The following PCBP3 variants were observed in gnomAD, a reference collection of about 807,000 sequenced individuals.
PCBP3 encodes poly(rC) binding protein 3, also known as poly(rC)-binding protein 3.
In PCBP3, 25 loss-of-function variants were observed where a neutral mutation model predicts 52.7. The observed-to-expected ratio is 0.47, with a 90% CI of 0.35 to 0.66. The LOEUF is 0.66. PCBP3 is among the 30% of genes least tolerant of loss of function. The pLI is 0.01. For synonymous variants in PCBP3, 162 were observed against 183.0 expected, an observed-to-expected ratio of 0.89 and a Z score of 0.93; for missense variants, 391 against 490.3, an observed-to-expected ratio of 0.80 and a Z score of 1.91.
At chr21:45,938,117 G>T (rs1486135897) in intron 16 of PCBP3, among the ~76,000 whole-genome samples, 1 of 152,216 alleles carries the variant, frequency 6.6e-6, no homozygotes, top group South Asian at 2.1e-4. Flanking sequence ...AGAAGACAGG[G>T]GCAGATGGTT....
At chr21:45,925,937 C>G (rs1885611625) in intron 13 of PCBP3, among the ~76,000 whole-genome samples, 1 of 152,174 alleles carries the variant, frequency 6.6e-6, no homozygotes, top group African/African-American at 2.4e-5. Context: ...ACAGAACCAC[C>G]CGTGATCCTG....
At position 45,784,415 on chromosome 21, in the gene PCBP3, G is replaced by C. The variant is rs992724165; in HGVS notation, c.-126+28963G>C. ...CTCTACCGCTACCTCTACCGCTACC[G>C]CTACCCCTACCTCCTACCTCCTACC... On this transcript the variant is annotated intron_variant, in intron 4 of 17. Transcript: ENST00000681687. Among the ~76,000 whole-genome samples, 585 of 108,680 alleles carry C rather than the reference G, an allele frequency of 5.4e-3. 4 individuals are homozygous for C. Among genetic ancestry groups the C allele is most frequent in the African/African-American group, 0.011 (284 of 25,372 alleles). The allele number at this position is 108,680 out of a possible 152,430, so 71.3% of individuals were successfully genotyped here.
chr21:45,900,118 C>T (rs2095988769), intron 7 of PCBP3, among the ~76,000 whole-genome samples: 1 of 152,234 alleles, frequency 6.6e-6, no homozygotes, highest in Non-Finnish European at 1.5e-5. Context: ...ATTTTCACCG[C>T]TTCCGGGGGT....
intron 4 of PCBP3, chr21:45,828,697 C>T (rs1286361861): frequency 5.2e-5 from 8 of 152,816 alleles, no homozygotes; most frequent in Middle Eastern, 3.0e-3. Flanking sequence ...GCTGTGTGTC[C>T]GTTGTGTGCA....
rs768457683 is a variant in PCBP3 at position 45,724,992 on chromosome 21, T to G, written c.-199-10400T>G. Among the ~76,000 whole-genome samples the G allele has an allele frequency of 4.6e-5, 7 of 152,232 alleles. No individual in the cohort carries two copies. The highest frequency in any genetic ancestry group is 7.3e-5 in the Non-Finnish European group (5 of 68,046). ...TTGTGAGCCGTTAAGTATGGCAGTT[T>G]GTATCATGGTTAAATCTGCAGAAGG... On this transcript the variant is annotated intron_variant, in intron 2 of 17. Transcript: ENST00000681687. This position sits in a 1 kb window ranked among gnomAD's most constrained non-coding sequence, Gnocchi z 5.3.
chr21:45,894,630 C>T (rs2095776273), intron 5 of PCBP3, among the ~76,000 whole-genome samples: 1 of 152,236 alleles, frequency 6.6e-6, no homozygotes. Flanking sequence ...TCCAGCAGAG[C>T]TGTCCGCGCT....
chr21:45,644,955 C>T (rs1034035722), intron 1 of PCBP3, among the ~76,000 whole-genome samples: 1 of 152,202 alleles, frequency 6.6e-6, no homozygotes, highest in South Asian at 2.1e-4. Flanking sequence ...AAGGGTGCTT[C>T]CCTATTTAAG....
intron 5 of PCBP3, among the ~76,000 whole-genome samples, chr21:45,891,152 G>A (rs1267357108): frequency 6.6e-6 from 1 of 152,392 alleles, no homozygotes; most frequent in Non-Finnish European, 1.5e-5. Context: ...GCACTGCTGA[G>A]GGGAATGTAG....
intron 5 of PCBP3, among the ~76,000 whole-genome samples, chr21:45,855,933 C>T (rs2148333627): frequency 6.6e-6 from 1 of 152,384 alleles, no homozygotes; most frequent in South Asian, 2.1e-4. Context: ...ACCGTAACAT[C>T]TCATGAGACA....
At position 45,643,775 on chromosome 21, in the gene PCBP3, C is replaced by T. The variant is rs1445877483; in HGVS notation, c.-372C>T. 4 of 148,486 alleles carry T rather than the reference C, an allele frequency of 2.7e-5. No homozygotes were observed. The highest frequency in any genetic ancestry group is 6.7e-5 in the Admixed American group (1 of 14,944). 9.2% of individuals were successfully genotyped at this position (148,486 alleles called of 1,614,324 possible). Reference sequence around the variant, plus strand: ...CCGCCGCTTCGGCTGACTTAGGCTCCGCCGCCGCCTCCTCACCCGCCTCGC... The same window carrying T: ...CCGCCGCTTCGGCTGACTTAGGCTCTGCCGCCGCCTCCTCACCCGCCTCGC... On this transcript the variant is annotated 5_prime_UTR_variant, in exon 1 of 18. Transcript: ENST00000681687.
At position 45,837,824 on chromosome 21, in the gene PCBP3, C is replaced by T. The variant is rs1420081674; in HGVS notation, c.-125-12137C>T. On this transcript the variant is annotated intron_variant, in intron 4 of 17. Coordinates refer to ENST00000681687, the MANE Select transcript of PCBP3 (RefSeq NM_001384156.1). This position sits in a 1 kb window ranked among gnomAD's most constrained non-coding sequence, Gnocchi z 4.1. ...CTGAGGATTGAGCTTAGGGGGTCAGCCTGATCCGCCACTGCTGGGTTCCCC... is the reference window on the plus strand; with the variant it reads ...CTGAGGATTGAGCTTAGGGGGTCAGTCTGATCCGCCACTGCTGGGTTCCCC... Among the ~76,000 whole-genome samples, 2 of 152,252 alleles carry T rather than the reference C, an allele frequency of 1.3e-5. No individual in the cohort carries two copies. Among genetic ancestry groups the T allele is most frequent in the Non-Finnish European group, 2.9e-5 (2 of 68,042 alleles).
intron 4 of PCBP3, among the ~76,000 whole-genome samples, chr21:45,764,505 G>T (rs1483796924): frequency 6.6e-6 from 1 of 152,218 alleles, no homozygotes; most frequent in African/African-American, 2.4e-5. Flanking sequence ...CAAGTGAGGG[G>T]TGCTGCATGT....
In PCBP3 at chr21:45,928,357, A is replaced by G. The variant is rs1469421876; in HGVS notation, c.718-1560A>G. ...TGCCCCCCAGCCCAGACCTGGCTGC[A>G]AGGCCAGGGGTTGGGGAGGGGCAGG... On this transcript the variant is annotated intron_variant, in intron 13 of 17. Coordinates refer to ENST00000681687, the MANE Select transcript of PCBP3 (RefSeq NM_001384156.1). The surrounding 1 kb of genome is among the most constrained non-coding windows in gnomAD (Gnocchi z 4.1). 3.9e-5 allele frequency among the ~76,000 whole-genome samples: 6 copies of G among 151,948 alleles called. No individual in the cohort carries two copies. The highest frequency in any genetic ancestry group is 8.8e-5 in the Non-Finnish European group (6 of 67,954).
chr21:45,895,519 A>G (rs1445553738), intron 5 of PCBP3, among the ~76,000 whole-genome samples: 1 of 152,184 alleles, frequency 6.6e-6, no homozygotes, highest in East Asian at 1.9e-4. Flanking sequence ...CACTTCCACT[A>G]CCATCATTCT....
At chr21:45,669,813 A>ATG (rs2081054672) in intron 2 of PCBP3, among the ~76,000 whole-genome samples, 1 of 87,416 alleles carries the variant, frequency 1.1e-5, no homozygotes, top group Admixed American at 1.1e-4. Flanking sequence ...GTGTATATAT[A>ATG]TATATATATA....
At position 45,881,929 on chromosome 21, in the gene PCBP3, C is replaced by T. The variant is rs1357885992; in HGVS notation, c.11-14279C>T. Among the ~76,000 whole-genome samples the T allele has an allele frequency of 2.6e-5, 4 of 152,286 alleles. No homozygotes were observed. In the South Asian group the frequency reaches 6.2e-4, roughly 24 times the overall value. On this transcript the variant is annotated intron_variant, in intron 5 of 17. Transcript: ENST00000681687. ...GTCTGTGTGTGACATTTTCTTTATC[C>T]GTTCGTCTCTCTATGAACACTTAGG...
At chr21:45,911,364 T>G in intron 11 of PCBP3, 4 of 263,144 alleles carry the variant, frequency 1.5e-5, no homozygotes, top group Admixed American at 5.3e-5. Flanking sequence ...GCAGAAACAG[T>G]GCTCTTTACG....
chr21:45,649,269 T>C (rs2079527428), intron 1 of PCBP3, among the ~76,000 whole-genome samples: 1 of 152,164 alleles, frequency 6.6e-6, no homozygotes, highest in Admixed American at 6.5e-5. Flanking sequence ...AAGAACAGCA[T>C]GGGAAAGACC....
chr21:45,870,618 G>A (rs1346629431), intron 5 of PCBP3, among the ~76,000 whole-genome samples: 1 of 152,210 alleles, frequency 6.6e-6, no homozygotes, highest in Non-Finnish European at 1.5e-5. Context: ...AAGTGATGAG[G>A]CCTGGCCCTG....
Sources: gnomAD v4.1 joint callset for allele counts (sites outside exome capture counted in the v4.1 genomes callset) on GRCh38, gnomAD v4.1.1 for gene constraint, Gnocchi (gnomAD v3.1) non-coding constraint, MANE v1.5 for transcripts, NCBI Gene and HGNC (gene_info 2026-07-23, HGNC 2026-07-21) for gene names.